ARFGEF1: variants seen among roughly 807,000 people sequenced by gnomAD.
The protein encoded by ARFGEF1 is brefeldin A-inhibited guanine nucleotide-exchange protein 1.
Under a neutral mutation model 231.0 loss-of-function variants are expected in ARFGEF1, and 42 were observed. The ratio of observed to expected loss-of-function variants is 0.18; its 90% CI spans 0.14 to 0.24. ARFGEF1 has a LOEUF of 0.24. ARFGEF1 is among the 10% of genes least tolerant of loss of function. The pLI is 1.00. For synonymous variants in ARFGEF1, 710 were observed against 732.3 expected (o/e 0.97, Z 0.49); for missense variants, 1,345 against 2,192.0 (o/e 0.61, Z 7.72).
intron 22 of ARFGEF1, among the ~76,000 whole-genome samples, chr8:67,235,390 AAAAG>A (rs1468433505): frequency 2.0e-5 from 3 of 152,182 alleles, no homozygotes; most frequent in African/African-American, 4.8e-5. Context: ...GGTTATGTAG[AAAAG>A]AAAGCAGAAA....
chr8:67,219,364 G>A (rs1587068056), intron 30 of ARFGEF1, 67 bp downstream of exon 30: 2 of 1,515,290 alleles, frequency 1.3e-6, no homozygotes, highest in Non-Finnish European at 1.8e-6. Context: ...ACACTAAAAT[G>A]TATTGATTAT....
At chr8:67,340,853 C>T (rs1808591874) in intron 1 of ARFGEF1, among the ~76,000 whole-genome samples, 1 of 152,140 alleles carries the variant, frequency 6.6e-6, no homozygotes, top group African/African-American at 2.4e-5. Flanking sequence ...CTGGAATAGA[C>T]AACCCTGGTA....
intron 6 of ARFGEF1, among the ~76,000 whole-genome samples, chr8:67,288,590 A>G (rs1206192149): frequency 6.6e-6 from 1 of 152,000 alleles, no homozygotes; most frequent in Non-Finnish European, 1.5e-5. Flanking sequence ...AAAATTAGCC[A>G]GGCGCGGTGG....
chr8:67,333,789 G>A (rs961638668), intron 1 of ARFGEF1, among the ~76,000 whole-genome samples: 1 of 152,102 alleles, frequency 6.6e-6, no homozygotes, highest in African/African-American at 2.4e-5. Context: ...CTCATCTCAC[G>A]TGATGGGTCA....
chr8:67,302,849 A>G (rs1295676101), intron 1 of ARFGEF1, among the ~76,000 whole-genome samples: 2 of 147,958 alleles, frequency 1.4e-5, no homozygotes, highest in Non-Finnish European at 3.0e-5. Context: ...CCAACGCAGG[A>G]GGATCACTTG....
At chr8:67,311,612 T>G (rs1453381585) in intron 1 of ARFGEF1, among the ~76,000 whole-genome samples, 12 of 90,450 alleles carry the variant, frequency 1.3e-4, no homozygotes, top group Admixed American at 2.3e-4. Flanking sequence ...GGGAGGGAGG[T>G]GGGGGGGTCA....
chr8:67,306,487 C>T (rs1157792499), intron 1 of ARFGEF1, among the ~76,000 whole-genome samples: 1 of 152,080 alleles, frequency 6.6e-6, no homozygotes, highest in Non-Finnish European at 1.5e-5. Context: ...GCGAGTTATA[C>T]CTGATCTCCT....
intron 1 of ARFGEF1, among the ~76,000 whole-genome samples, chr8:67,311,531 T>C (rs1461871499): frequency 8.0e-6 from 1 of 124,362 alleles, no homozygotes; most frequent in Non-Finnish European, 1.7e-5. Flanking sequence ...GTCAGCCCCC[T>C]GCCTGGCCAG....
chr8:67,224,836 A>G, intron 29 of ARFGEF1, 67 bp downstream of exon 29: 1 of 1,167,832 alleles, frequency 8.6e-7, no homozygotes, highest in Middle Eastern at 2.1e-4. Flanking sequence ...TTGTGTTTAT[A>G]AAGAAGAGTT....
In ARFGEF1 at chr8:67,325,534, A is replaced by G. The variant is rs567782478; in HGVS notation, c.124+17630T>C. ...ATGTCCCATAATGCCCCATGTTCCA[A>G]AATTAATCCATTCTCTCCCATCATT... On this transcript the variant is annotated intron_variant, in intron 1 of 38. Transcript: ENST00000262215. 7.2e-4 allele frequency among the ~76,000 whole-genome samples: 109 copies of G among 152,164 alleles called. 1 individual carries two copies. Among genetic ancestry groups the G allele is most frequent in the Admixed American group, 1.4e-3 (22 of 15,286 alleles).
At chr8:67,226,323 G>T in intron 27 of ARFGEF1, 140 bp from the exon 28 acceptor site, 1 of 781,428 alleles carries the variant, frequency 1.3e-6, no homozygotes, top group Non-Finnish European at 1.9e-6. Context: ...CGAAGTTCAA[G>T]ACTATCTTTA....
At chr8:67,179,373 C>T (rs959600820) in intron 5 of ARFGEF1, among the ~76,000 whole-genome samples, 5 of 152,268 alleles carry the variant, frequency 3.3e-5, no homozygotes, top group South Asian at 2.1e-4. Flanking sequence ...CTGTGATCTA[C>T]TCCAGAGCAG....
chr8:67,296,777 A>G (rs1395485991), intron 4 of ARFGEF1, among the ~76,000 whole-genome samples, 167 bp from the exon 5 acceptor site: 2 of 151,890 alleles, frequency 1.3e-5, no homozygotes, highest in Non-Finnish European at 2.9e-5. Flanking sequence ...CAGCCTCCTG[A>G]GTAGCTGGGA....
intron 2 of ARFGEF1, 124 bp downstream of exon 2, chr8:67,302,309 AGTT>A (rs1806529452): frequency 2.1e-6 from 1 of 482,988 alleles, no homozygotes; most frequent in Non-Finnish European, 3.5e-6. Context: ...CTATTTTTAA[AGTT>A]GATTTTACTA....
intron 1 of ARFGEF1, among the ~76,000 whole-genome samples, chr8:67,312,218 C>T (rs983854327): frequency 2.0e-5 from 3 of 149,526 alleles, no homozygotes; most frequent in Non-Finnish European, 4.4e-5. Flanking sequence ...GTGAGAAACA[C>T]CCAAGAATTA....
At chr8:67,283,034 C>CA (rs1563887218) in intron 7 of ARFGEF1, among the ~76,000 whole-genome samples, 1 of 151,492 alleles carries the variant, frequency 6.6e-6, no homozygotes, top group South Asian at 2.1e-4. Context: ...AATAGTAATT[C>CA]AAAAAAAGAT....
intron 33 of ARFGEF1, among the ~76,000 whole-genome samples, chr8:67,212,776 A>T (rs919222530): frequency 2.6e-5 from 4 of 152,210 alleles, no homozygotes; most frequent in Non-Finnish European, 2.9e-5. Flanking sequence ...TTAAGGAAGA[A>T]ATTACTCAGT....
At chr8:67,219,632 T>C (rs1021099784) in intron 29 of ARFGEF1, 72 bp from the exon 30 acceptor site, 3 of 1,451,220 alleles carry the variant, frequency 2.1e-6, no homozygotes, top group Non-Finnish European at 2.8e-6. Flanking sequence ...GTTTTTAGAG[T>C]TCACAAAGCA....
At chr8:67,340,193 G>C (rs1231096504) in intron 1 of ARFGEF1, among the ~76,000 whole-genome samples, 1 of 152,206 alleles carries the variant, frequency 6.6e-6, no homozygotes, top group African/African-American at 2.4e-5. Flanking sequence ...AGGATTAAAT[G>C]TCTGACATAC....
Sources: gnomAD v4.1 joint callset for allele counts (sites outside exome capture counted in the v4.1 genomes callset) on GRCh38, gnomAD v4.1.1 for gene constraint, MANE v1.5 for transcripts, NCBI Gene and HGNC (gene_info 2026-07-23, HGNC 2026-07-21) for gene names.